Variants in MMP16 observed in about 807,000 individuals in gnomAD.
MMP16 encodes the protein matrix metallopeptidase 16, also known as matrix metalloproteinase-16.
Under a neutral mutation model 67.8 loss-of-function variants are expected in MMP16, and 12 were observed. That is an observed-to-expected ratio of 0.18 (90% CI 0.11 to 0.29). The LOEUF (loss-of-function observed/expected upper bound fraction) is 0.29. Among genes scored for constraint, MMP16 ranks in the 10% least tolerant of loss-of-function variants. The pLI is 1.00. For synonymous variants in MMP16, 249 were observed against 255.9 expected, an observed-to-expected ratio of 0.97 and a Z score of 0.26; for missense variants, 475 against 765.7, an observed-to-expected ratio of 0.62 and a Z score of 4.48.
chr8:88,048,851 A>G (rs74854392), intron 8 of MMP16, among the ~76,000 whole-genome samples: 1 of 152,184 alleles, frequency 6.6e-6, no homozygotes, highest in African/African-American at 2.4e-5. Context: ...TTAGAAAAAA[A>G]TAAGTATTTT....
At chr8:88,075,938 TACACACACACACACAC>T (rs71556442) in intron 6 of MMP16, among the ~76,000 whole-genome samples, 4 of 140,408 alleles carry the variant, frequency 2.8e-5, no homozygotes, top group African/African-American at 1.1e-4. Flanking sequence ...CATATATTCA[TACACACACACACACAC>T]ACACACACAC....
At chr8:88,289,689 AACACACACACACACACACAC>A (rs4043664) in intron 1 of MMP16, among the ~76,000 whole-genome samples, 1 of 144,162 alleles carries the variant, frequency 6.9e-6, no homozygotes, top group East Asian at 2.0e-4. Flanking sequence ...TCCTAGAGGA[AACACACACACACACACACAC>A]ACACACACAC....
At chr8:88,183,786 G>A (rs1809023262) in intron 3 of MMP16, among the ~76,000 whole-genome samples, 1 of 139,826 alleles carries the variant, frequency 7.2e-6, no homozygotes, top group African/African-American at 2.6e-5. Flanking sequence ...CGCGATCTCG[G>A]CTCACTGCAA....
At chr8:88,128,498 T>A (rs1000253119) in intron 4 of MMP16, among the ~76,000 whole-genome samples, 3 of 151,782 alleles carry the variant, frequency 2.0e-5, no homozygotes, top group Non-Finnish European at 4.4e-5. Flanking sequence ...ACATTTACTA[T>A]AGGAAACTTT....
At chr8:88,278,297 C>A (rs1810680461) in intron 1 of MMP16, among the ~76,000 whole-genome samples, 3 of 152,138 alleles carry the variant, frequency 2.0e-5, no homozygotes, top group Non-Finnish European at 4.4e-5. Flanking sequence ...GAGAACATGT[C>A]CACTGCTTGA....
intron 8 of MMP16, among the ~76,000 whole-genome samples, chr8:88,047,031 T>C (rs1169728054): frequency 6.6e-6 from 1 of 152,180 alleles, no homozygotes; most frequent in Non-Finnish European, 1.5e-5. Flanking sequence ...GGCATCTTAT[T>C]GTCCATATCC....
intron 1 of MMP16, among the ~76,000 whole-genome samples, chr8:88,226,380 G>A (rs1809769463): frequency 6.6e-6 from 1 of 151,824 alleles, no homozygotes; most frequent in South Asian, 2.1e-4. Context: ...TAACCCTATG[G>A]GGCAGGTATG....
At chr8:88,261,728 T>C (rs1810391030) in intron 1 of MMP16, among the ~76,000 whole-genome samples, 1 of 150,474 alleles carries the variant, frequency 6.6e-6, no homozygotes, top group African/African-American at 2.5e-5. Context: ...CATATGCACA[T>C]ACATATCTAT....
At chr8:88,119,373 T>C (rs1807781931) in intron 4 of MMP16, among the ~76,000 whole-genome samples, 1 of 152,026 alleles carries the variant, frequency 6.6e-6, no homozygotes, top group Non-Finnish European at 1.5e-5. Context: ...ACTCCTAGAC[T>C]AAAGCTTTAT....
chr8:88,254,943 A>G (rs1046709438), intron 1 of MMP16, among the ~76,000 whole-genome samples: 2 of 152,222 alleles, frequency 1.3e-5, no homozygotes, highest in Non-Finnish European at 2.9e-5. Flanking sequence ...TTTGGAGAAT[A>G]TAAGAACTAT....
chr8:88,308,727 A>C (rs1023254962), intron 1 of MMP16, among the ~76,000 whole-genome samples: 1 of 152,112 alleles, frequency 6.6e-6, no homozygotes, highest in Non-Finnish European at 1.5e-5. Context: ...AATGCTGCAG[A>C]TTTGAAACAT....
chr8:88,220,511 A>G (rs1020730605), intron 1 of MMP16, among the ~76,000 whole-genome samples: 1 of 150,946 alleles, frequency 6.6e-6, no homozygotes, highest in African/African-American at 2.4e-5. Context: ...AACTGTTCAC[A>G]TTCAGATTGT....
At chr8:88,101,432 C>A (rs1287049677) in intron 6 of MMP16, among the ~76,000 whole-genome samples, 1 of 151,890 alleles carries the variant, frequency 6.6e-6, no homozygotes, top group African/African-American at 2.4e-5. Flanking sequence ...TTGGAAAAGG[C>A]TATCTCTATT....
At chr8:88,081,435 C>G (rs1481850485) in intron 6 of MMP16, among the ~76,000 whole-genome samples, 1 of 152,078 alleles carries the variant, frequency 6.6e-6, no homozygotes, top group Non-Finnish European at 1.5e-5. Context: ...CTCCCAATCA[C>G]AGCCATAATT....
chr8:88,068,198 A>G (rs920065410), intron 7 of MMP16, among the ~76,000 whole-genome samples: 6 of 152,052 alleles, frequency 3.9e-5, no homozygotes, highest in Non-Finnish European at 8.8e-5. Context: ...CTCATTTGAC[A>G]TCCATCTATG....
chr8:88,041,497 T>C lies in MMP16; in HGVS notation c.1788A>G (p.Ile596Met). ...CTTGCATAGAGCGTTTACAGTACAGTATGTGGCGGGGTGTTCCTTTCCTCT... is the reference window on the plus strand; with the variant it reads ...CTTGCATAGAGCGTTTACAGTACAGCATGTGGCGGGGTGTTCCTTTCCTCT... Reference protein sequence around the residue: ...QFKRKGTPRHILYCKRSMQEW... With the variant: ...QFKRKGTPRHMLYCKRSMQEW... Residue 596 changes from isoleucine to methionine, a missense_variant, in exon 10 of 10, where the codon ATA (isoleucine) becomes ATG (methionine). Physicochemically the swap from Ile to Met is conservative, Grantham distance 10. This residue lies in a region of MMP16 where 80 missense variants were observed against 93.4 expected (regional missense o/e 0.86). Coordinates refer to ENST00000286614, the MANE Select transcript of MMP16 (RefSeq NM_005941.5). The surrounding 1 kb of genome is among the most constrained non-coding windows in gnomAD (Gnocchi z 6.0). The C allele has an allele frequency of 6.2e-7, 1 of 1,614,102 alleles. No individual in the cohort carries two copies. The highest frequency in any genetic ancestry group is 2.2e-5 in the East Asian group (1 of 44,886).
intron 6 of MMP16, among the ~76,000 whole-genome samples, chr8:88,086,493 G>A (rs192269583): frequency 2.0e-5 from 3 of 152,020 alleles, no homozygotes; most frequent in African/African-American, 7.2e-5. Context: ...CTACGGAGGA[G>A]GAGAGGCAGA....
At chr8:88,325,734 C>A (rs1484928505) in intron 1 of MMP16, among the ~76,000 whole-genome samples, 1 of 151,758 alleles carries the variant, frequency 6.6e-6, no homozygotes, top group African/African-American at 2.4e-5. Context: ...TTTTAGTTTT[C>A]AAATTGGGTT....
At chr8:88,159,693 C>T (rs1808579221) in intron 4 of MMP16, among the ~76,000 whole-genome samples, 1 of 152,112 alleles carries the variant, frequency 6.6e-6, no homozygotes. Flanking sequence ...TGAGAGAGGG[C>T]ATCCCTGTCT....
Sources: gnomAD v4.1 joint callset for allele counts (sites outside exome capture counted in the v4.1 genomes callset) on GRCh38, gnomAD v4.1.1 for gene constraint, gnomAD v4.1.1 regional missense constraint, Gnocchi (gnomAD v3.1) non-coding constraint, MANE v1.5 for transcripts, NCBI Gene and HGNC (gene_info 2026-07-23, HGNC 2026-07-21) for gene names.